RGS7: variants seen among roughly 807,000 people sequenced by gnomAD.
RGS7 encodes regulator of G protein signaling 7, also known as regulator of G-protein signaling 7.
In RGS7, 27 loss-of-function variants were observed where a neutral mutation model predicts 81.1. That is an observed-to-expected ratio of 0.33 (90% CI 0.25 to 0.46). The LOEUF is 0.46. Ranked by LOEUF, RGS7 falls within the 20% of genes least tolerant of loss-of-function variation. The pLI is 1.00. For synonymous variants in RGS7, 208 were observed against 207.7 expected, an observed-to-expected ratio of 1.00 and a Z score of -0.01; for missense variants, 396 against 607.4, an observed-to-expected ratio of 0.65 and a Z score of 3.66.
At chr1:241,025,503 C>T (rs1375305104) in intron 3 of RGS7, among the ~76,000 whole-genome samples, 1 of 152,158 alleles carries the variant, frequency 6.6e-6, no homozygotes, top group South Asian at 2.1e-4. Context: ...CACATTGTGA[C>T]CACCACCTCC....
In RGS7 at chr1:241,021,972, C is replaced by T. The variant is rs1416368078; in HGVS notation, c.176-38843G>A. On this transcript the variant is annotated intron_variant, in intron 3 of 18. Coordinates refer to ENST00000440928, the MANE Select transcript of RGS7 (RefSeq NM_001364886.1). ...TGGTAAGAATGATAAAGGAAGGTGA[C>T]CAGTTGCCTCCTGGGTTCTCTGATC... Among the ~76,000 whole-genome samples, 4 of 152,124 alleles carry T rather than the reference C, an allele frequency of 2.6e-5. No homozygotes were observed. The East Asian group carries it at 7.7e-4, about 29-fold the overall frequency.
At chr1:241,272,360 C>T (rs1379482351) in intron 2 of RGS7, among the ~76,000 whole-genome samples, 1 of 152,116 alleles carries the variant, frequency 6.6e-6, no homozygotes, top group African/African-American at 2.4e-5. Context: ...CAGACCTCCC[C>T]AAATTATTTC....
chr1:241,161,551 A>G (rs1400096683), intron 2 of RGS7, among the ~76,000 whole-genome samples: 1 of 121,530 alleles, frequency 8.2e-6, no homozygotes. Context: ...TATTAATGAT[A>G]GTAACTAATA....
At chr1:241,210,632 T>C (rs2074191371) in intron 2 of RGS7, among the ~76,000 whole-genome samples, 2 of 152,192 alleles carry the variant, frequency 1.3e-5, no homozygotes, top group Admixed American at 1.3e-4. Context: ...ATGAAAATAA[T>C]AGCAAACACA....
chr1:241,219,521 C>A (rs2074772361), intron 2 of RGS7, among the ~76,000 whole-genome samples: 1 of 152,146 alleles, frequency 6.6e-6, no homozygotes, highest in Admixed American at 6.5e-5. Context: ...AGGGACCCCA[C>A]TAGAGATGTG....
intron 2 of RGS7, among the ~76,000 whole-genome samples, chr1:241,326,310 C>A (rs938803249): frequency 1.3e-5 from 2 of 152,142 alleles, no homozygotes; most frequent in African/African-American, 4.8e-5. Context: ...TCTCAAGATC[C>A]TCCAGAAAGA....
intron 6 of RGS7, among the ~76,000 whole-genome samples, chr1:240,882,691 T>C (rs888180087): frequency 3.3e-5 from 5 of 152,150 alleles, no homozygotes; most frequent in African/African-American, 9.7e-5. Context: ...GAAGTGTCCA[T>C]TTTTCTTGGG....
chr1:241,077,125 C>T (rs2678777), intron 3 of RGS7, among the ~76,000 whole-genome samples: 152,353 of 152,358 alleles, frequency 1, 76,174 homozygotes, highest in Middle Eastern at 1. Context: ...ATAATAATTT[C>T]ACACATAATT....
intron 3 of RGS7, among the ~76,000 whole-genome samples, chr1:241,023,665 A>ATT: frequency 6.6e-6 from 1 of 152,348 alleles, no homozygotes; most frequent in South Asian, 2.1e-4. Flanking sequence ...CTAATGCAAT[A>ATT]GCCTTAAATA....
intron 3 of RGS7, among the ~76,000 whole-genome samples, chr1:240,994,091 TTGAATATATAATA>T (rs1263901785): frequency 1.3e-5 from 2 of 152,232 alleles, no homozygotes; most frequent in Non-Finnish European, 2.9e-5. Flanking sequence ...ATATAATGTC[TTGAATATATAATA>T]TAAACATAAA....
intron 3 of RGS7, among the ~76,000 whole-genome samples, chr1:241,031,747 C>T (rs752798518): frequency 3.3e-4 from 50 of 152,056 alleles, no homozygotes; most frequent in Non-Finnish European, 3.5e-4. Context: ...CATTTTTTCA[C>T]ATGCTTGTTG....
intron 2 of RGS7, among the ~76,000 whole-genome samples, chr1:241,331,178 G>T (rs1420825457): frequency 6.6e-6 from 1 of 151,936 alleles, no homozygotes; most frequent in African/African-American, 2.4e-5. Context: ...TAAGAAAGAG[G>T]GTATTTCCAC....
At chr1:241,309,009 A>T (rs1163273670) in intron 2 of RGS7, among the ~76,000 whole-genome samples, 2 of 152,188 alleles carry the variant, frequency 1.3e-5, no homozygotes, top group Non-Finnish European at 1.5e-5. Context: ...AGAGGAACAC[A>T]CAAACTGGTC....
intron 2 of RGS7, among the ~76,000 whole-genome samples, chr1:241,298,563 T>C (rs2079555622): frequency 6.6e-6 from 1 of 152,168 alleles, no homozygotes; most frequent in Non-Finnish European, 1.5e-5. Flanking sequence ...CTACCATTGC[T>C]TCATTGAACT....
intron 3 of RGS7, among the ~76,000 whole-genome samples, chr1:241,037,334 G>A (rs917304866): frequency 2.0e-5 from 3 of 152,138 alleles, no homozygotes; most frequent in African/African-American, 7.2e-5. Flanking sequence ...GGAGAAGTAG[G>A]TAGGGAAAGT....
intron 15 of RGS7, among the ~76,000 whole-genome samples, chr1:240,804,461 CA>C (rs547221973): frequency 1.3e-5 from 2 of 150,774 alleles, no homozygotes; most frequent in Admixed American, 6.6e-5. Context: ...TTAAAAACCA[CA>C]AAAAAAACTA....
chr1:241,206,552 C>T (rs1302798611), intron 2 of RGS7, among the ~76,000 whole-genome samples: 2 of 152,164 alleles, frequency 1.3e-5, no homozygotes, highest in Non-Finnish European at 2.9e-5. Flanking sequence ...ATTGGGTTCA[C>T]ATTGCTATCA....
chr1:240,950,355 C>T (rs185762439), intron 4 of RGS7, among the ~76,000 whole-genome samples: 76 of 152,288 alleles, frequency 5.0e-4, no homozygotes, highest in Non-Finnish European at 1.0e-3. Context: ...AAGGCCTCTA[C>T]CCCAAAGGAA....
At chr1:240,880,472 A>T (rs953366946) in intron 6 of RGS7, among the ~76,000 whole-genome samples, 1 of 152,222 alleles carries the variant, frequency 6.6e-6, no homozygotes, top group Non-Finnish European at 1.5e-5. Flanking sequence ...GCTGTTGACC[A>T]GCCACTGCAG....
Sources: allele counts gnomAD v4.1 joint callset (sites outside exome capture counted in the v4.1 genomes callset), GRCh38; gene constraint gnomAD v4.1.1; transcripts MANE v1.5; gene names NCBI Gene and HGNC (gene_info 2026-07-23, HGNC 2026-07-21).